Variants in ACSM3 observed in about 807,000 individuals in gnomAD.
ACSM3 encodes acyl-coenzyme A synthetase ACSM3, mitochondrial.
Under a neutral mutation model 74.1 loss-of-function variants are expected in ACSM3, and 61 were observed. The observed-to-expected ratio is 0.82, with a 90% CI of 0.67 to 1.02. The LOEUF is 1.02. ACSM3 is among the 50% of genes least tolerant of loss of function. The pLI, the probability that ACSM3 is intolerant of heterozygous loss-of-function variation, is 0.00. For synonymous variants in ACSM3, 213 were observed against 241.5 expected, an observed-to-expected ratio of 0.88 and a Z score of 1.09; for missense variants, 660 against 697.0, an observed-to-expected ratio of 0.95 and a Z score of 0.60.
intron 1 of ACSM3, chr16:20,741,360 G>A: frequency 1.0e-6 from 1 of 984,360 alleles, no homozygotes; most frequent in Non-Finnish European, 1.5e-6. Flanking sequence ...CTCAGGACTA[G>A]GGACGGAAAC....
intron 1 of ACSM3, chr16:20,737,882 G>A (rs979089579): frequency 2.5e-6 from 4 of 1,613,464 alleles, no homozygotes; most frequent in South Asian, 2.2e-5. Context: ...GGTAACATTC[G>A]CAAAATAACT....
intron 1 of ACSM3, 136 bp from the exon 2 acceptor site, chr16:20,769,848 G>T (rs1306572196): frequency 3.3e-6 from 2 of 604,848 alleles, no homozygotes; most frequent in Non-Finnish European, 5.9e-6. Context: ...TGAGCACTGT[G>T]TTTGGAACAC....
At chr16:20,769,871 G>A (rs965605981) in intron 1 of ACSM3, 113 bp from the exon 2 acceptor site, 5 of 633,734 alleles carry the variant, frequency 7.9e-6, no homozygotes, top group African/African-American at 7.3e-5. Flanking sequence ...AGTGTACGCA[G>A]CAAATGGTAC....
At chr16:20,729,187 G>A in intron 1 of ACSM3, 1 of 709,158 alleles carries the variant, frequency 1.4e-6, no homozygotes, top group Non-Finnish European at 2.6e-6. Flanking sequence ...ACCCATTTCT[G>A]TTCTGACCAA....
chr16:20,777,410 G>T lies in ACSM3; in HGVS notation c.468G>T (p.Gln156His). The T allele has an allele frequency of 6.2e-7, 1 of 1,614,048 alleles. No homozygotes were observed. Among genetic ancestry groups the T allele is most frequent in the Non-Finnish European group, 8.5e-7 (1 of 1,179,964 alleles). The change falls in exon 4 of 14, where the codon CAG becomes CAT. Residue 156 changes from glutamine to histidine, a missense_variant. Gln to His is a conservative substitution (Grantham distance 24). Transcript: ENST00000289416. ...VLIPGTTQLT[Q>H]KDILYRLQSS... is the part of the protein sequence containing the mutation. ...TTCCAGGAACCACTCAGCTGACCCA[G>T]AAAGACATTCTCTACAGACTACAAT...
chr16:20,749,749 C>T (rs2079975375), intron 1 of ACSM3: 1 of 152,328 alleles, frequency 6.6e-6, no homozygotes. Flanking sequence ...TGGGCTTGAC[C>T]AGGTAGACCC....
chr16:20,793,352 C>G (rs1315258077), intron 12 of ACSM3, among the ~76,000 whole-genome samples: 1 of 152,086 alleles, frequency 6.6e-6, no homozygotes, highest in Non-Finnish European at 1.5e-5. Flanking sequence ...GCCTGTAATC[C>G]CTGCTACTTG....
chr16:20,718,631 C>T (rs777396994), intron 1 of ACSM3: 6 of 181,794 alleles, frequency 3.3e-5, no homozygotes, highest in Non-Finnish European at 6.9e-5. Flanking sequence ...TTGTGCTGGC[C>T]GTGCCCAACC....
chr16:20,736,353 T>C (rs897661431), intron 1 of ACSM3: 2 of 148,398 alleles, frequency 1.3e-5, no homozygotes, highest in Non-Finnish European at 2.9e-5. Flanking sequence ...GACACTGGAC[T>C]GTCAGCTATA....
intron 1 of ACSM3, chr16:20,737,859 T>C (rs372083481): frequency 3.1e-6 from 5 of 1,613,880 alleles, no homozygotes; most frequent in African/African-American, 2.7e-5. Flanking sequence ...AAGCCTTGCA[T>C]GTGCCTGAGA....
At chr16:20,691,118 G>C in intron 1 of ACSM3, 1 of 1,613,576 alleles carries the variant, frequency 6.2e-7, no homozygotes, top group Non-Finnish European at 8.5e-7. Context: ...CAGCTGTGAA[G>C]GGGCAGGGTG....
At chr16:20,762,500 G>T (rs1465303490), upstream of ACSM3, among the ~76,000 whole-genome samples, 1 of 152,086 alleles carries the variant, frequency 6.6e-6, no homozygotes, top group Non-Finnish European at 1.5e-5. Flanking sequence ...AGAAATAATA[G>T]CTGAAAAGTT....
At chr16:20,793,281 C>G (rs545419542) in intron 12 of ACSM3, among the ~76,000 whole-genome samples, 1 of 152,124 alleles carries the variant, frequency 6.6e-6, no homozygotes, top group Admixed American at 6.6e-5. Context: ...CAAGCCTGGT[C>G]AACATGGTGA....
At chr16:20,695,639 C>T (rs765232518) in intron 1 of ACSM3, among the ~76,000 whole-genome samples, 1 of 151,582 alleles carries the variant, frequency 6.6e-6, no homozygotes, top group Non-Finnish European at 1.5e-5. Flanking sequence ...ATGTATCTAT[C>T]GTCTATCTAT....
intron 12 of ACSM3, among the ~76,000 whole-genome samples, chr16:20,794,192 C>A (rs1337370189): frequency 6.6e-6 from 1 of 152,168 alleles, no homozygotes; most frequent in Non-Finnish European, 1.5e-5. Context: ...TGGGTCCTGC[C>A]AGGCAGGGTA....
intron 1 of ACSM3, chr16:20,741,864 T>A: frequency 6.5e-7 from 1 of 1,535,500 alleles, no homozygotes; most frequent in African/African-American, 1.4e-5. Flanking sequence ...CCTCGAAGCC[T>A]CATTCCGTGC....
At chr16:20,741,481 G>GGGGGGGGGGGGCCCCCCCCCCCCC in intron 1 of ACSM3, 2 of 1,308,410 alleles carry the variant, frequency 1.5e-6, no homozygotes, top group Non-Finnish European at 9.9e-7. Flanking sequence ...CTGGCAGCCG[G>GGGGGGGGGGGGCCCCCCCCCCCCC]CCCGCCCGCC....
chr16:20,796,893 T>A lies in ACSM3; in HGVS notation c.1682T>A (p.Phe561Tyr). Residue 561 changes from phenylalanine to tyrosine, a missense_variant, in exon 14 of 14, where the codon TTT becomes TAT. Transcript: ENST00000289416. ...APYKYPRKVE[F>Y]IQELPKTISG... The stretch of plus-strand genomic sequence containing the variant: ...TCCCCTTGATGCCAACAGGTAGAAT[T>A]TATTCAAGAGCTGCCAAAGACTATC... 2 of 1,612,120 alleles carry A rather than the reference T, an allele frequency of 1.2e-6. No individual in the cohort carries two copies. The highest frequency in any genetic ancestry group is 1.7e-6 in the Non-Finnish European group (2 of 1,179,344).
chr16:20,769,842 C>T lies in ACSM3; in HGVS notation c.-51-142C>T, dbSNP rs1596510670. On this transcript the variant is annotated intron_variant, in intron 1 of 13. Transcript: ENST00000289416. The stretch of plus-strand genomic sequence containing the variant: ...AAGAAAGTGTCTATAAAACACTGAG[C>T]ACTGTGTTTGGAACACAGAGTGTAC... 3 of 595,884 alleles carry T rather than the reference C, an allele frequency of 5.0e-6. No homozygotes were observed. In the East Asian group the frequency reaches 8.4e-5, roughly 17 times the overall value. 36.9% of individuals were successfully genotyped at this position (595,884 alleles called of 1,614,324 possible). A position where few individuals can be genotyped will look rare whatever the true frequency, so the allele number is the denominator to read the frequency against.
Sources: allele counts gnomAD v4.1 joint callset (sites outside exome capture counted in the v4.1 genomes callset), GRCh38; gene constraint gnomAD v4.1.1; transcripts MANE v1.5; gene names NCBI Gene and HGNC (gene_info 2026-07-23, HGNC 2026-07-21).